The following MRPS30 variants were observed in gnomAD, a reference collection of about 807,000 sequenced individuals.
The protein encoded by MRPS30 is mitochondrial ribosomal protein S30.
Under a neutral mutation model 43.8 loss-of-function variants are expected in MRPS30, and 42 were observed. That is an observed-to-expected ratio of 0.96 (90% confidence interval 0.75 to 1.24). The LOEUF (loss-of-function observed/expected upper bound fraction) is 1.24, where lower values mean the gene tolerates loss of function less well. Among genes scored for constraint, MRPS30 ranks in the 50% most tolerant of loss-of-function variants. The pLI, the probability that MRPS30 is intolerant of heterozygous loss-of-function variation, is 0.00. For synonymous variants in MRPS30, 273 were observed against 228.2 expected, an observed-to-expected ratio of 1.20 and a Z score of -1.77; for missense variants, 638 against 570.0, an observed-to-expected ratio of 1.12 and a Z score of -1.22.
intron 2 of MRPS30, among the ~76,000 whole-genome samples, chr5:44,811,679 C>A (rs1201790003): frequency 6.6e-6 from 1 of 152,192 alleles, no homozygotes; most frequent in Non-Finnish European, 1.5e-5. Flanking sequence ...CAGCTCTGCT[C>A]TTAACAGTGC....
chr5:44,811,736 C>T (rs1742842166), intron 2 of MRPS30, among the ~76,000 whole-genome samples, 179 bp from the exon 3 acceptor site: 1 of 152,178 alleles, frequency 6.6e-6, no homozygotes, highest in Admixed American at 6.5e-5. Context: ...GGCTGTGTTC[C>T]AGTAAAACTT....
chr5:44,810,722 C>A, intron 1 of MRPS30, among the ~76,000 whole-genome samples: 1 of 151,946 alleles, frequency 6.6e-6, no homozygotes, highest in East Asian at 1.9e-4. Flanking sequence ...ATAAAATAGC[C>A]CTATTTTTAT....
At chr5:44,809,714 G>GT in intron 1 of MRPS30, 151 bp downstream of exon 1, 1 of 841,222 alleles carries the variant, frequency 1.2e-6, no homozygotes, top group Non-Finnish European at 1.8e-6. Flanking sequence ...GCCTGGTTTT[G>GT]TAACAGTCAC....
At chr5:44,812,792 C>T (rs553187225) in intron 3 of MRPS30, among the ~76,000 whole-genome samples, 3 of 152,080 alleles carry the variant, frequency 2.0e-5, no homozygotes, top group African/African-American at 7.2e-5. Flanking sequence ...ACAACCATAG[C>T]TAATCATGAC....
At position 44,815,396 on chromosome 5, in the gene MRPS30, A is replaced by T. The variant is rs1001252828; in HGVS notation, c.*194A>T. On this transcript the variant is annotated 3_prime_UTR_variant, in exon 5 of 5. Coordinates refer to ENST00000507110, the MANE Select transcript of MRPS30 (RefSeq NM_016640.4). Reference sequence around the variant, plus strand: ...ATTTAATTTTAGTTACCTTTTGTTGATTTAAAAATAATTGCATTTGTATAT... The same window carrying T: ...ATTTAATTTTAGTTACCTTTTGTTGTTTTAAAAATAATTGCATTTGTATAT... 9.9e-6 allele frequency: 5 copies of T among 506,944 alleles called. No homozygotes were observed. Among genetic ancestry groups the T allele is most frequent in the African/African-American group, 9.7e-5 (5 of 51,620 alleles). 31.4% of individuals were successfully genotyped at this position (506,944 alleles called of 1,614,324 possible).
intron 4 of MRPS30, 130 bp downstream of exon 4, chr5:44,813,412 A>G (rs1256484856): frequency 2.7e-6 from 2 of 727,282 alleles, no homozygotes; most frequent in East Asian, 6.1e-5. Context: ...GCATTGGCAC[A>G]AAGTACAGTT....
Position 44,815,236 on chromosome 5 carries a change from T to A in MRPS30, c.*34T>A, listed in dbSNP as rs373753150. 4 of 1,504,740 alleles carry A rather than the reference T, an allele frequency of 2.7e-6. No individual in the cohort carries two copies. Among genetic ancestry groups the A allele is most frequent in the Non-Finnish European group, 2.7e-6 (3 of 1,128,628 alleles). The allele number at this position is 1,504,740 out of a possible 1,614,324, so 93.2% of individuals were successfully genotyped here. On this transcript the variant is annotated 3_prime_UTR_variant, in exon 5 of 5. Transcript: ENST00000507110. ...ATTTGATTGAGAACTGTGGGAATAT[T>A]TAAATTTTACTGAAGGAACAATAAT...
Position 44,811,107 on chromosome 5 carries a change from G to C in MRPS30, c.700G>C (p.Asp234His), listed in dbSNP as rs749088272. Residue 234 changes from aspartate to histidine, a missense_variant, in exon 2 of 5, where the codon GAT (aspartate) becomes CAT (histidine). By Grantham distance (81) the Asp-to-His change is moderately conservative. Coordinates refer to ENST00000507110, the MANE Select transcript of MRPS30 (RefSeq NM_016640.4). Reference protein sequence around the residue: ...GRIDDLRYQIDDKPNNQIRIS... With the variant: ...GRIDDLRYQIHDKPNNQIRIS... ...AATTGATGACTTGCGATACCAGATA[G>C]ATGATAAACCAAACAACCAGATTCG... 6.2e-7 allele frequency: 1 copy of C among 1,614,092 alleles called. No homozygotes were observed. The highest frequency in any genetic ancestry group is 8.5e-7 in the Non-Finnish European group (1 of 1,179,986).
intron 3 of MRPS30, 121 bp from the exon 4 acceptor site, chr5:44,812,985 T>C (rs1742866841): frequency 2.6e-6 from 2 of 770,242 alleles, no homozygotes; most frequent in Non-Finnish European, 4.1e-6. Flanking sequence ...CCTACTTATG[T>C]ATTTAGAGTA....
Position 44,809,515 on chromosome 5 carries a change from G to A in MRPS30, c.553G>A (p.Val185Met), listed in dbSNP as rs1167793343. 4 of 1,612,022 alleles carry A rather than the reference G, an allele frequency of 2.5e-6. No individual in the cohort carries two copies. The highest frequency in any genetic ancestry group is 2.2e-5 in the South Asian group (2 of 90,740). Residue 185 changes from valine (V) to methionine (M), a missense_variant, in exon 1 of 5, where the codon GTG becomes ATG. Transcript: ENST00000507110. ...CCTGGATCAGCTGGTGTCAACCCTC[G>A]TGGGCCTCCTCAGCCCACACAACCC... ...PFLDQLVSTLVGLLSPHNPAL... is the reference protein window; with the variant it reads ...PFLDQLVSTLMGLLSPHNPAL...
intron 2 of MRPS30, among the ~76,000 whole-genome samples, chr5:44,811,646 C>T (rs1192731025): frequency 1.3e-5 from 2 of 152,096 alleles, no homozygotes; most frequent in East Asian, 1.9e-4. Context: ...CTGTACAGGC[C>T]GTAAGTCTCT....
intron 1 of MRPS30, chr5:44,810,100 A>T (rs1388725000): frequency 6.6e-6 from 1 of 152,322 alleles, no homozygotes; most frequent in African/African-American, 2.4e-5. Context: ...ATTAACTAAG[A>T]TACCTAACGT....
Position 44,815,112 on chromosome 5 carries a change from G to C in MRPS30, c.1230G>C (p.Val410=), listed in dbSNP as rs1742898832. Reference sequence around the variant, plus strand: ...ATGAAACAATTGAGGATAATGATGTGAAAGGTTTTAATGATGATGTTCTAC... The same window carrying C: ...ATGAAACAATTGAGGATAATGATGTCAAAGGTTTTAATGATGATGTTCTAC... The part of the protein sequence containing the change: ...PLYETIEDND[V]KGFNDDVLLQ... The change falls in exon 5 of 5, where the codon GTG becomes GTC. Residue 410 remains valine (V), a synonymous_variant. Transcript: ENST00000507110. The C allele has an allele frequency of 6.2e-7, 1 of 1,612,194 alleles. No individual in the cohort carries two copies. The highest frequency in any genetic ancestry group is 1.7e-5 in the Admixed American group (1 of 59,972).
chr5:44,811,816 T>G (rs897977865), intron 2 of MRPS30, 99 bp from the exon 3 acceptor site: 1 of 734,678 alleles, frequency 1.4e-6, no homozygotes, highest in Non-Finnish European at 2.1e-6. Context: ...AATCATTTTG[T>G]GAAATCACCT....
At chr5:44,809,744 C>CT in intron 1 of MRPS30, 181 bp downstream of exon 1, 2 of 659,088 alleles carry the variant, frequency 3.0e-6, no homozygotes, top group South Asian at 2.1e-5. Flanking sequence ...AATCTAGAGA[C>CT]TAGGTGTGTG....
At position 44,815,154 on chromosome 5, in the gene MRPS30, T is replaced by C. The variant is rs1742899684; in HGVS notation, c.1272T>C (p.Phe424=). 1 of 1,611,312 alleles carries C rather than the reference T, an allele frequency of 6.2e-7. No individual in the cohort carries two copies. The highest frequency in any genetic ancestry group is 1.1e-5 in the South Asian group (1 of 90,510). Residue 424 remains phenylalanine, a synonymous_variant, in exon 5 of 5, where the codon TTT becomes TTC. Transcript: ENST00000507110. ...ATGTTCTACTTCAGATAGTTCACTT[T>C]CTACTGAATAGACCAAAAGAAGAAA... ...NDDVLLQIVH[F]LLNRPKEEKS...
chr5:44,811,206 C>G, intron 2 of MRPS30, 52 bp downstream of exon 2: 1 of 1,584,126 alleles, frequency 6.3e-7, no homozygotes, highest in Non-Finnish European at 8.6e-7. Context: ...TAGGATTTGT[C>G]ATAGGCAGGT....
chr5:44,811,511 T>A (rs1742838865), intron 2 of MRPS30, among the ~76,000 whole-genome samples: 2 of 152,226 alleles, frequency 1.3e-5, no homozygotes, highest in Non-Finnish European at 2.9e-5. Context: ...AGTTATCAAC[T>A]GGGCCATTTT....
rs778326901 is a variant in MRPS30 at position 44,815,053 on chromosome 5, A to AT, written c.1171_1172insT (p.Asn391IlefsTer9). 6.2e-7 allele frequency: 1 copy of AT among 1,613,774 alleles called. No individual in the cohort carries two copies. Among genetic ancestry groups the AT allele is most frequent in the African/African-American group, 1.3e-5 (1 of 74,938 alleles). On this transcript the variant is annotated frameshift_variant, in exon 5 of 5. Transcript: ENST00000507110. LOFTEE classifies it high-confidence loss of function. Reference sequence around the variant, plus strand: ...AGCTGATCAAAATAACCCTCGTAAAAATATATGTTGGGGTACACAAAGTAA... The same window carrying AT: ...AGCTGATCAAAATAACCCTCGTAAAATATATATGTTGGGGTACACAAAGTAA...
Sources: allele counts gnomAD v4.1 joint callset (sites outside exome capture counted in the v4.1 genomes callset), GRCh38; gene constraint gnomAD v4.1.1; transcripts MANE v1.5; gene names NCBI Gene and HGNC (gene_info 2026-07-23, HGNC 2026-07-21).